The following ADARB2 variants were observed in gnomAD, a reference collection of about 807,000 sequenced individuals.
ADARB2 encodes adenosine deaminase RNA specific B2 (inactive), also known as inactive double-stranded RNA-specific editase B2.
In ADARB2, 25 loss-of-function variants were observed where a neutral mutation model predicts 62.2. The ratio of observed to expected loss-of-function variants is 0.40; its 90% confidence interval spans 0.29 to 0.56. The LOEUF is 0.56. ADARB2 is among the 20% of genes least tolerant of loss of function. The pLI is 0.43. For missense variants in ADARB2, 1,071 were observed against 1,077.4 expected (o/e 0.99, Z 0.08); for synonymous variants, 572 against 500.8 (o/e 1.14, Z -1.90).
chr10:1,562,093 G>GC (rs1678063849), intron 1 of ADARB2, among the ~76,000 whole-genome samples: 2 of 152,112 alleles, frequency 1.3e-5, no homozygotes, highest in East Asian at 1.9e-4. Flanking sequence ...GTTCTCAGGG[G>GC]CCCCCGCCAC....
chr10:1,311,064 G>T (rs1831685428), intron 3 of ADARB2, among the ~76,000 whole-genome samples: 1 of 152,204 alleles, frequency 6.6e-6, no homozygotes, highest in Non-Finnish European at 1.5e-5. Flanking sequence ...TAGCTCCAGA[G>T]CTGGGCAGCA....
intron 1 of ADARB2, among the ~76,000 whole-genome samples, chr10:1,635,318 G>A (rs1833906005): frequency 6.6e-6 from 1 of 152,150 alleles, no homozygotes; most frequent in Non-Finnish European, 1.5e-5. Flanking sequence ...CAAAGTGCTG[G>A]GCCTGGAGTG....
rs548215729 is a variant in ADARB2 at position 1,296,220 on chromosome 10, G to A, written c.1078-25151C>T. ...ACGTGTAAGACAAACATGAATGGGA[G>A]GGGAAAGTATGTTCCCTCCACAGAG... On this transcript the variant is annotated intron_variant, in intron 3 of 9. Coordinates refer to ENST00000381312, the MANE Select transcript of ADARB2 (RefSeq NM_018702.4). 3.3e-5 allele frequency among the ~76,000 whole-genome samples: 5 copies of A among 152,310 alleles called. No homozygotes were observed. In the East Asian group the frequency reaches 9.7e-4, roughly 29 times the overall value.
intron 1 of ADARB2, among the ~76,000 whole-genome samples, chr10:1,514,085 G>A (rs1831974155): frequency 6.7e-6 from 1 of 148,940 alleles, no homozygotes; most frequent in Non-Finnish European, 1.5e-5. Flanking sequence ...AATTAGCCAG[G>A]CAAATCGCTT....
chr10:1,415,368 G>C (rs1832793264), intron 1 of ADARB2, among the ~76,000 whole-genome samples: 1 of 152,150 alleles, frequency 6.6e-6, no homozygotes, highest in Admixed American at 6.6e-5. Context: ...ATCATGGATA[G>C]ATGGGTGGAT....
intron 1 of ADARB2, among the ~76,000 whole-genome samples, chr10:1,436,578 A>AT (rs1285853999): frequency 1.3e-5 from 2 of 152,134 alleles, no homozygotes; most frequent in Admixed American, 1.3e-4. Flanking sequence ...TGAACACTTA[A>AT]TTTTTTGTTT....
intron 1 of ADARB2, among the ~76,000 whole-genome samples, chr10:1,706,088 G>A (rs772135257): frequency 5.3e-5 from 8 of 152,212 alleles, no homozygotes; most frequent in Non-Finnish European, 1.2e-4. Context: ...ACGGTAATGT[G>A]AGCAGCATCA....
chr10:1,451,699 TACACCCATATGAGGAGGGAC>T (rs1831041924), intron 1 of ADARB2, among the ~76,000 whole-genome samples: 1 of 150,886 alleles, frequency 6.6e-6, no homozygotes, highest in Non-Finnish European at 1.5e-5. Flanking sequence ...GAGGAGGAAT[TACACCCATATGAGGAGGGAC>T]ACACCCATAT....
At chr10:1,250,871 C>T (rs7079124) in intron 4 of ADARB2, among the ~76,000 whole-genome samples, 1 of 152,122 alleles carries the variant, frequency 6.6e-6, no homozygotes, top group African/African-American at 2.4e-5. Flanking sequence ...TGCCAGGTCA[C>T]TGTGGGGATG....
At chr10:1,673,898 A>G (rs1834427727) in intron 1 of ADARB2, among the ~76,000 whole-genome samples, 1 of 152,380 alleles carries the variant, frequency 6.6e-6, no homozygotes, top group South Asian at 2.1e-4. Context: ...TCATCCTTTC[A>G]TAAAATAGAA....
intron 1 of ADARB2, among the ~76,000 whole-genome samples, chr10:1,607,273 C>T (rs570563709): frequency 7.2e-5 from 11 of 152,316 alleles, no homozygotes; most frequent in South Asian, 2.1e-4. Flanking sequence ...CATTCATGAA[C>T]GATTCACCAC....
intron 3 of ADARB2, among the ~76,000 whole-genome samples, chr10:1,299,213 C>T (rs967102813): frequency 6.6e-6 from 1 of 151,938 alleles, no homozygotes; most frequent in African/African-American, 2.4e-5. Flanking sequence ...CACGAAGGGG[C>T]CCCAGATGGG....
intron 1 of ADARB2, among the ~76,000 whole-genome samples, chr10:1,415,746 G>C (rs1832796391): frequency 6.6e-6 from 1 of 152,138 alleles, no homozygotes; most frequent in Non-Finnish European, 1.5e-5. Flanking sequence ...AATTAGAAAA[G>C]TTATTTGTTT....
chr10:1,343,447 T>A (rs1429478753), intron 3 of ADARB2, among the ~76,000 whole-genome samples: 1 of 152,220 alleles, frequency 6.6e-6, no homozygotes, highest in African/African-American at 2.4e-5. Context: ...GCTCGGCCAT[T>A]GTGGAAAGCA....
At chr10:1,363,994 G>A in intron 2 of ADARB2, 77 bp from the exon 3 acceptor site, 1 of 1,393,354 alleles carries the variant, frequency 7.2e-7, no homozygotes, top group Non-Finnish European at 9.2e-7. Flanking sequence ...ACTCCCTGAG[G>A]GTCCCCGTCC....
chr10:1,206,274 C>T (rs949948963), intron 7 of ADARB2, among the ~76,000 whole-genome samples: 5 of 152,178 alleles, frequency 3.3e-5, no homozygotes, highest in East Asian at 1.9e-4. Context: ...CTCCTTAAGC[C>T]GGCTACCTGC....
At chr10:1,422,737 T>A (rs1351123822) in intron 1 of ADARB2, among the ~76,000 whole-genome samples, 1 of 152,216 alleles carries the variant, frequency 6.6e-6, no homozygotes, top group African/African-American at 2.4e-5. Context: ...CATCTGTCAA[T>A]GTGTCACCAA....
At chr10:1,376,579 C>T (rs1832431345) in intron 2 of ADARB2, among the ~76,000 whole-genome samples, 1 of 152,306 alleles carries the variant, frequency 6.6e-6, no homozygotes, top group East Asian at 1.9e-4. Context: ...AGGAATCTCA[C>T]GGGCAGAGCA....
chr10:1,609,549 G>A (rs981489427), intron 1 of ADARB2, among the ~76,000 whole-genome samples: 1 of 152,218 alleles, frequency 6.6e-6, no homozygotes, highest in African/African-American at 2.4e-5. Flanking sequence ...AGAAACCTTC[G>A]GTCCTAAGCC....
Sources: allele counts gnomAD v4.1 joint callset (sites outside exome capture counted in the v4.1 genomes callset), GRCh38; gene constraint gnomAD v4.1.1; transcripts MANE v1.5; gene names NCBI Gene and HGNC (gene_info 2026-07-23, HGNC 2026-07-21).